Variants in FOXK2 observed in about 807,000 individuals in gnomAD.
The protein encoded by FOXK2 is forkhead box K2.
FOXK2 carries 24 observed loss-of-function variants against 53.3 expected under a neutral mutation model. That is an observed-to-expected ratio of 0.45 (90% CI 0.33 to 0.63). The LOEUF is 0.63. Among genes scored for constraint, FOXK2 ranks in the 30% least tolerant of loss-of-function variants. The probability of loss-of-function intolerance (pLI) is 0.03; values close to 1 mark genes in which losing one functional copy is unlikely to be tolerated. For synonymous variants in FOXK2, 505 were observed against 407.1 expected, an observed-to-expected ratio of 1.24 and a Z score of -2.89; for missense variants, 952 against 910.5, an observed-to-expected ratio of 1.05 and a Z score of -0.59.
chr17:82,544,788 C>G (rs1311921644), intron 1 of FOXK2, among the ~76,000 whole-genome samples: 2 of 151,986 alleles, frequency 1.3e-5, no homozygotes, highest in Non-Finnish European at 2.9e-5. Flanking sequence ...GAGTGAAGTG[C>G]TGGCGGGTGG....
intron 1 of FOXK2, among the ~76,000 whole-genome samples, chr17:82,550,850 C>T (rs1390305789): frequency 6.6e-6 from 1 of 152,140 alleles, no homozygotes; most frequent in Non-Finnish European, 1.5e-5. Flanking sequence ...AGCCTGAAAC[C>T]GGCCTTGTCT....
intron 8 of FOXK2, chr17:82,595,785 C>T (rs1298026761): frequency 7.8e-7 from 1 of 1,289,576 alleles, no homozygotes; most frequent in Admixed American, 2.3e-5. Context: ...TCCCCAGGGC[C>T]CCTTGGCCTC....
At chr17:82,568,847 C>CAAA (rs139266207) in intron 3 of FOXK2, among the ~76,000 whole-genome samples, 1 of 150,124 alleles carries the variant, frequency 6.7e-6, no homozygotes. Context: ...CCGCTTCTAC[C>CAAA]AAAAAAAAAT....
chr17:82,551,229 A>AT (rs1488610317), intron 1 of FOXK2, among the ~76,000 whole-genome samples: 3 of 152,012 alleles, frequency 2.0e-5, no homozygotes, highest in African/African-American at 7.2e-5. Context: ...AGGCAGGAGA[A>AT]TGGCGTGAAC....
chr17:82,534,527 G>T (rs1034312114), intron 1 of FOXK2, among the ~76,000 whole-genome samples: 3 of 152,190 alleles, frequency 2.0e-5, no homozygotes, highest in African/African-American at 7.2e-5. Context: ...CATGCCTCAG[G>T]CTAGAGGAGG....
rs752508185 is a variant in FOXK2, at chr17:82,587,290, G to C, written c.1786+18G>C. On this transcript the variant is annotated intron_variant, in intron 8 of 8. Transcript: ENST00000335255. ...GAACAATGGTAAGACATGCTGGTCG[G>C]TGGCTCCCCGTGGCTGTGGGTACTG... 3 of 1,589,194 alleles carry C rather than the reference G, an allele frequency of 1.9e-6. No homozygotes were observed. The highest frequency in any genetic ancestry group is 2.6e-6 in the Non-Finnish European group (3 of 1,159,158).
intron 1 of FOXK2, among the ~76,000 whole-genome samples, chr17:82,522,222 A>G (rs1450491537): frequency 2.0e-5 from 3 of 151,920 alleles, no homozygotes; most frequent in Admixed American, 6.6e-5. Context: ...TTCTGGGCAC[A>G]AGCGATCCTC....
At chr17:82,535,036 C>T (rs758538963) in intron 1 of FOXK2, among the ~76,000 whole-genome samples, 6 of 152,294 alleles carry the variant, frequency 3.9e-5, no homozygotes, top group Non-Finnish European at 7.4e-5. Context: ...CCTGCCACCA[C>T]ACCTGGCTGA....
At position 82,575,088 on chromosome 17, in the gene FOXK2, T is replaced by G. The variant is rs1002737406; in HGVS notation, c.909+3218T>G. Among the ~76,000 whole-genome samples the G allele has an allele frequency of 5.3e-5, 8 of 152,364 alleles. 1 individual carries two copies. The highest frequency in any genetic ancestry group is 5.2e-4 in the Admixed American group (8 of 15,298). On this transcript the variant is annotated intron_variant, in intron 4 of 8. Coordinates refer to ENST00000335255, the MANE Select transcript of FOXK2 (RefSeq NM_004514.4). ...GGACACACTGGGCATTGAACTACTA[T>G]GCTTTTTCTTCTTTCTAGAGATGAC...
At chr17:82,596,100 A>AGGCCACACCTGC (rs147812281) in intron 8 of FOXK2, 346,299 of 1,039,740 alleles carry the variant, frequency 0.33, 60,478 homozygotes, top group Non-Finnish European at 0.35. Flanking sequence ...GAGTCGGTTG[A>AGGCCACACCTGC]GGCCACACCT....
intron 1 of FOXK2, among the ~76,000 whole-genome samples, chr17:82,537,596 G>A (rs1004746201): frequency 6.6e-5 from 9 of 137,160 alleles, no homozygotes; most frequent in African/African-American, 2.5e-4. Flanking sequence ...TCCGGCCTGG[G>A]CGACAAGAGT....
intron 1 of FOXK2, among the ~76,000 whole-genome samples, chr17:82,543,713 C>T (rs892653219): frequency 6.6e-6 from 1 of 151,238 alleles, no homozygotes; most frequent in African/African-American, 2.4e-5. Flanking sequence ...AACTCCTGGC[C>T]TCAAGTGATC....
chr17:82,555,106 T>C, intron 1 of FOXK2, among the ~76,000 whole-genome samples: 1 of 152,228 alleles, frequency 6.6e-6, no homozygotes, highest in East Asian at 1.9e-4. Flanking sequence ...GCTGACTGTA[T>C]GAGACAGCCC....
At chr17:82,597,760 C>T (rs1024295519) in intron 8 of FOXK2, among the ~76,000 whole-genome samples, 3 of 152,154 alleles carry the variant, frequency 2.0e-5, no homozygotes, top group African/African-American at 7.2e-5. Flanking sequence ...AAGCAATTCT[C>T]CTGCCTCAGC....
chr17:82,576,751 G>T, intron 4 of FOXK2: 1 of 708,286 alleles, frequency 1.4e-6, no homozygotes, highest in Non-Finnish European at 2.4e-6. Flanking sequence ...GCAGCATGTC[G>T]AATATGTCAC....
At chr17:82,543,784 T>C (rs1237570126) in intron 1 of FOXK2, among the ~76,000 whole-genome samples, 1 of 149,198 alleles carries the variant, frequency 6.7e-6, no homozygotes, top group East Asian at 2.0e-4. Context: ...CTTTTTTTTT[T>C]TTTTTTTTTT....
chr17:82,520,557 GC>G (rs1328720965), intron 1 of FOXK2, among the ~76,000 whole-genome samples: 1 of 152,224 alleles, frequency 6.6e-6, no homozygotes, highest in African/African-American at 2.4e-5. Flanking sequence ...TGGAGCCGGG[GC>G]TGCGGGCGGC....
chr17:82,574,583 G>A (rs1482209492), intron 4 of FOXK2, among the ~76,000 whole-genome samples: 2 of 152,050 alleles, frequency 1.3e-5, no homozygotes, highest in Non-Finnish European at 2.9e-5. Context: ...GTCTCCCGAA[G>A]TGCTGGGATT....
At chr17:82,535,635 C>T (rs769725512) in intron 1 of FOXK2, among the ~76,000 whole-genome samples, 36 of 152,066 alleles carry the variant, frequency 2.4e-4, no homozygotes, top group Non-Finnish European at 5.0e-4. Flanking sequence ...GTCATTGTAC[C>T]TTTTAAAAGC....
Sources: gnomAD v4.1 joint callset for allele counts (sites outside exome capture counted in the v4.1 genomes callset) on GRCh38, gnomAD v4.1.1 for gene constraint, MANE v1.5 for transcripts, NCBI Gene and HGNC (gene_info 2026-07-23, HGNC 2026-07-21) for gene names.